BRWD1: variants seen among roughly 807,000 people sequenced by gnomAD.
BRWD1 encodes the protein bromodomain and WD repeat-containing protein 1.
In BRWD1, 82 loss-of-function variants were observed where a neutral mutation model predicts 251.2. That is an observed-to-expected ratio of 0.33 (90% CI 0.27 to 0.39). BRWD1 has a LOEUF of 0.39. Ranked by LOEUF, BRWD1 falls within the 10% of genes least tolerant of loss-of-function variation. The pLI is 1.00. For missense variants in BRWD1, 2,233 were observed against 2,711.6 expected, an observed-to-expected ratio of 0.82 and a Z score of 3.92; for synonymous variants, 918 against 902.8, an observed-to-expected ratio of 1.02 and a Z score of -0.30.
chr21:39,244,360 G>A (rs142501688), intron 21 of BRWD1, among the ~76,000 whole-genome samples: 15 of 151,970 alleles, frequency 9.9e-5, no homozygotes, highest in African/African-American at 1.2e-4. Flanking sequence ...CACTGCACCC[G>A]GCCCATGCTG....
intron 38 of BRWD1, among the ~76,000 whole-genome samples, chr21:39,202,119 A>G (rs937007322): frequency 6.6e-6 from 1 of 152,246 alleles, no homozygotes; most frequent in Non-Finnish European, 1.5e-5. Context: ...TTGACAATTC[A>G]ATATAAATGT....
At chr21:39,316,341 G>A (rs940633847), upstream of BRWD1, among the ~76,000 whole-genome samples, 4 of 152,190 alleles carry the variant, frequency 2.6e-5, no homozygotes, top group African/African-American at 9.7e-5. Flanking sequence ...CTGGTAGCTA[G>A]ATTGTTAAGA....
rs954544429 is a variant in BRWD1 at position 39,274,522 on chromosome 21, AG to A, written c.1146-51del. The stretch of plus-strand genomic sequence containing the variant: ...TACTATATTCACACACTTTCCAACA[AG>A]GGCTACAATTAAAATCACATGCAAA... On this transcript the variant is annotated intron_variant, in intron 12 of 40. Coordinates refer to ENST00000342449, the MANE Select transcript of BRWD1 (RefSeq NM_033656.4). The A allele has an allele frequency of 7.9e-6, 11 of 1,388,768 alleles. No individual in the cohort carries two copies. In the African/African-American group the frequency reaches 1.6e-4, roughly 20 times the overall value. The allele number at this position is 1,388,768 out of a possible 1,614,324, so 86.0% of individuals were successfully genotyped here. A position where few individuals can be genotyped will look rare whatever the true frequency, so the allele number is the denominator to read the frequency against.
intron 7 of BRWD1, 36 bp from the exon 8 acceptor site, chr21:39,294,068 C>G (rs754131693): frequency 6.5e-7 from 1 of 1,538,482 alleles, no homozygotes; most frequent in Non-Finnish European, 8.9e-7. Flanking sequence ...AATGTTAGTA[C>G]AGCAAATCTT....
chr21:39,199,711 C>CA (rs779499052), intron 39 of BRWD1, 49 bp from the exon 40 acceptor site: 9 of 1,445,704 alleles, frequency 6.2e-6, no homozygotes, highest in Non-Finnish European at 7.5e-6. Flanking sequence ...CTTATTTCAA[C>CA]ATTTTTAAAT....
chr21:39,303,934 C>G (rs1403580549), intron 4 of BRWD1, among the ~76,000 whole-genome samples: 1 of 150,288 alleles, frequency 6.7e-6, no homozygotes, highest in Non-Finnish European at 1.5e-5. Context: ...CTGAGGTCAG[C>G]AGCTCTAGAC....
intron 15 of BRWD1, among the ~76,000 whole-genome samples, chr21:39,267,206 G>T (rs1457146986): frequency 1.4e-5 from 2 of 146,746 alleles, no homozygotes; most frequent in African/African-American, 5.5e-5. Context: ...TTTAATCAAA[G>T]GTCTAAGAAC....
chr21:39,223,333 A>C (rs1471919774), intron 29 of BRWD1, among the ~76,000 whole-genome samples: 2 of 152,202 alleles, frequency 1.3e-5, no homozygotes, highest in Non-Finnish European at 2.9e-5. Context: ...TGGAGAGTAC[A>C]TATTGAAGAG....
At position 39,195,370 on chromosome 21, in the gene BRWD1, C is replaced by T. The variant is rs1458133860; in HGVS notation, c.*889G>A. On this transcript the variant is annotated 3_prime_UTR_variant, in exon 41 of 41. Coordinates refer to ENST00000342449, the MANE Select transcript of BRWD1 (RefSeq NM_033656.4). ...CCTGTACACTCTATTAAAGAACACA[C>T]TTCTAAATCTAAGGCACACGAATTC... The T allele has an allele frequency of 1.0e-5, 10 of 985,276 alleles. No homozygotes were observed. The highest frequency in any genetic ancestry group is 1.1e-5 in the Non-Finnish European group (9 of 829,496). 61.0% of individuals were successfully genotyped at this position (985,276 alleles called of 1,614,324 possible). A position where few individuals can be genotyped will look rare whatever the true frequency, so the allele number is the denominator to read the frequency against.
intron 15 of BRWD1, among the ~76,000 whole-genome samples, chr21:39,268,087 T>C (rs141078064): frequency 2.0e-5 from 3 of 152,246 alleles, no homozygotes; most frequent in African/African-American, 7.2e-5. Flanking sequence ...AATAATGCCA[T>C]TGGAAAATCT....
chr21:39,228,444 C>T, intron 27 of BRWD1, 56 bp downstream of exon 27: 1 of 1,217,950 alleles, frequency 8.2e-7, no homozygotes, highest in South Asian at 1.2e-5. Flanking sequence ...AAAAGGTAGA[C>T]CAATAAAACA....
intron 4 of BRWD1, among the ~76,000 whole-genome samples, chr21:39,302,772 A>C (rs932619030): frequency 3.3e-5 from 5 of 150,806 alleles, no homozygotes; most frequent in African/African-American, 9.8e-5. Context: ...AAAAAAAAAA[A>C]AGTAAGGCCA....
At chr21:39,272,803 G>A (rs1011999342) in intron 13 of BRWD1, among the ~76,000 whole-genome samples, 1 of 151,844 alleles carries the variant, frequency 6.6e-6, no homozygotes, top group Non-Finnish European at 1.5e-5. Context: ...GTAGAGGCAG[G>A]GTTTCACCAT....
rs1350899081 is a variant in BRWD1, at chr21:39,313,165, G to A, written c.109-64C>T. ...CCCGGGGCGCTCCCGTTTCACCCCC[G>A]CCCACCACCCGCGACCCCCGGCGGC... On this transcript the variant is annotated intron_variant, in intron 2 of 40. Coordinates refer to ENST00000342449, the MANE Select transcript of BRWD1 (RefSeq NM_033656.4). 7.4e-6 allele frequency: 11 copies of A among 1,493,900 alleles called. No homozygotes were observed. The highest frequency in any genetic ancestry group is 2.7e-5 in the East Asian group (1 of 36,690). The allele number at this position is 1,493,900 out of a possible 1,614,324, so 92.5% of individuals were successfully genotyped here.
chr21:39,215,913 T>C (rs1470478523), intron 31 of BRWD1, among the ~76,000 whole-genome samples: 1 of 152,102 alleles, frequency 6.6e-6, no homozygotes, highest in Non-Finnish European at 1.5e-5. Context: ...GGTGGGAGGA[T>C]TGCTTGAGCC....
At chr21:39,252,419 A>G (rs187252170) in intron 19 of BRWD1, among the ~76,000 whole-genome samples, 118 of 152,230 alleles carry the variant, frequency 7.8e-4, no homozygotes, top group African/African-American at 2.5e-3. Context: ...TATATCTATT[A>G]CTCCAATTTT....
chr21:39,252,077 G>A (rs1206854670), intron 19 of BRWD1, among the ~76,000 whole-genome samples: 2 of 151,794 alleles, frequency 1.3e-5, no homozygotes, highest in Non-Finnish European at 2.9e-5. Context: ...GACCAGCCTG[G>A]CCAACATGAT....
intron 13 of BRWD1, among the ~76,000 whole-genome samples, chr21:39,271,389 T>C (rs547532359): frequency 6.6e-6 from 1 of 151,320 alleles, no homozygotes; most frequent in African/African-American, 2.4e-5. Flanking sequence ...AGAATACGTT[T>C]TAAGAAATTA....
rs375430016 is a variant in BRWD1 at position 39,248,641 on chromosome 21, C to CAAAAAAAAAAAAAA, written c.2350-823_2350-810dup. 8.4e-5 allele frequency among the ~76,000 whole-genome samples: 7 copies of CAAAAAAAAAAAAAA among 83,300 alleles called. No individual in the cohort carries two copies. In the East Asian group the frequency reaches 2.0e-3, roughly 24 times the overall value. The allele number at this position is 83,300 out of a possible 152,430, so 54.6% of individuals were successfully genotyped here. ...TGGGCAAGAGTGAGACCCTATCTCC[C>CAAAAAAAAAAAAAA]AAAAAAAAAAAAAAAAAAAAAAAAA... On this transcript the variant is annotated intron_variant, in intron 20 of 40. Coordinates refer to ENST00000342449, the MANE Select transcript of BRWD1 (RefSeq NM_033656.4).
Sources: allele counts gnomAD v4.1 joint callset (sites outside exome capture counted in the v4.1 genomes callset), GRCh38; gene constraint gnomAD v4.1.1; transcripts MANE v1.5; gene names NCBI Gene and HGNC (gene_info 2026-07-23, HGNC 2026-07-21).